Variants in PLCE1 observed in about 807,000 individuals in gnomAD.
The protein encoded by PLCE1 is phospholipase C epsilon 1.
A neutral mutation model predicts 242.8 loss-of-function variants in PLCE1; 119 were observed. That is an observed-to-expected ratio of 0.49 (90% CI 0.42 to 0.57). The LOEUF is 0.57. Ranked by LOEUF, PLCE1 falls within the 20% of genes least tolerant of loss-of-function variation. The probability of loss-of-function intolerance (pLI) is 0.00; values close to 1 mark genes in which losing one functional copy is unlikely to be tolerated. For missense variants in PLCE1, 2,441 were observed against 2,788.8 expected, an observed-to-expected ratio of 0.88 and a Z score of 2.81; for synonymous variants, 945 against 1,017.4, an observed-to-expected ratio of 0.93 and a Z score of 1.35.
At chr10:94,007,819 G>A (rs1055762439) in intron 1 of PLCE1, among the ~76,000 whole-genome samples, 19 of 146,006 alleles carry the variant, frequency 1.3e-4, no homozygotes, top group Non-Finnish European at 2.2e-4. Context: ...TTTTGTTTTC[G>A]TGTGTGGTTT....
intron 1 of PLCE1, among the ~76,000 whole-genome samples, chr10:94,024,832 G>A (rs2061429568): frequency 1.3e-5 from 2 of 152,012 alleles, no homozygotes; most frequent in Admixed American, 1.3e-4. Context: ...TTTCTATAGA[G>A]GTTTCTTGTT....
intron 2 of PLCE1, among the ~76,000 whole-genome samples, chr10:94,036,261 G>C (rs2061661571): frequency 6.6e-6 from 1 of 152,168 alleles, no homozygotes; most frequent in African/African-American, 2.4e-5. Context: ...GCTTTGTCGA[G>C]AACACATTTC....
rs780965078 is a variant in PLCE1, at chr10:94,235,971, C to T, written c.2271C>T (p.Gly757=). The part of the protein sequence containing the change: ...DNFLQRVGQN[G]LKNSEKESTV... ...TCTTACAACGAGTGGGACAAAATGG[C>T]TTAAAGAATTCGGAGAAGGAGTCCA... Residue 757 remains glycine (G), a synonymous_variant, in exon 7 of 33, where the codon GGC becomes GGT. Transcript: ENST00000371380. 2 of 1,613,898 alleles carry T rather than the reference C, an allele frequency of 1.2e-6. No homozygotes were observed. The highest frequency in any genetic ancestry group is 2.7e-5 in the African/African-American group (2 of 74,910).
intron 4 of PLCE1, among the ~76,000 whole-genome samples, chr10:94,201,667 G>A (rs1293956822): frequency 6.6e-6 from 1 of 152,118 alleles, no homozygotes; most frequent in African/African-American, 2.4e-5. Flanking sequence ...TTTTAGTAGA[G>A]ACGGGGTTTC....
At chr10:94,307,502 C>T (rs895125991) in intron 26 of PLCE1, among the ~76,000 whole-genome samples, 3 of 152,208 alleles carry the variant, frequency 2.0e-5, no homozygotes, top group Non-Finnish European at 4.4e-5. Context: ...TTTAATTAGT[C>T]TGCTCAGGCT....
In PLCE1 at chr10:94,171,490, T is replaced by G. The variant is rs2047976871; in HGVS notation, c.1803T>G (p.Phe601Leu). Reference sequence around the variant, plus strand: ...CCCTTGAAGATCTGGTGATGAGGTTTAATGAGGTAAGAAGCCACTTTTTGA... The same window carrying G: ...CCCTTGAAGATCTGGTGATGAGGTTGAATGAGGTAAGAAGCCACTTTTTGA... ...HNALEDLVMR[F>L]NEVSSWVTWL... is the part of the protein sequence containing the mutation. The change falls in exon 4 of 33, where the codon TTT (phenylalanine) becomes TTG (leucine). Residue 601 changes from phenylalanine (F) to leucine (L), a missense_variant. Phe to Leu is a conservative substitution (Grantham distance 22). Coordinates refer to ENST00000371380, the MANE Select transcript of PLCE1 (RefSeq NM_016341.4). The G allele has an allele frequency of 1.2e-6, 2 of 1,613,738 alleles. No individual in the cohort carries two copies. Among genetic ancestry groups the G allele is most frequent in the Non-Finnish European group, 1.7e-6 (2 of 1,179,608 alleles).
At chr10:94,026,723 A>C (rs2061459055) in intron 1 of PLCE1, among the ~76,000 whole-genome samples, 1 of 152,202 alleles carries the variant, frequency 6.6e-6, no homozygotes, top group Non-Finnish European at 1.5e-5. Context: ...CAAAATTGAT[A>C]ATTTAATCAG....
At chr10:94,093,727 T>C (rs1449984874) in intron 2 of PLCE1, among the ~76,000 whole-genome samples, 2 of 152,152 alleles carry the variant, frequency 1.3e-5, no homozygotes, top group African/African-American at 4.8e-5. Context: ...CTCTGTTCTC[T>C]GCTTTACTGC....
chr10:94,212,913 A>C (rs2049390595), intron 4 of PLCE1, among the ~76,000 whole-genome samples: 1 of 152,236 alleles, frequency 6.6e-6, no homozygotes, highest in South Asian at 2.1e-4. Context: ...CTGCTCATCA[A>C]GATTTCAAAA....
intron 21 of PLCE1, 47 bp downstream of exon 21, chr10:94,283,958 C>T (rs745711787): frequency 3.8e-6 from 6 of 1,597,454 alleles, no homozygotes; most frequent in Non-Finnish European, 5.1e-6. Context: ...ATGTGGTACT[C>T]TTGTCAGTTT....
intron 29 of PLCE1, among the ~76,000 whole-genome samples, chr10:94,321,621 C>T (rs1277522340): frequency 4.2e-5 from 6 of 143,434 alleles, no homozygotes; most frequent in Admixed American, 1.4e-4. Context: ...GAGCAAGACT[C>T]CATCTCAGAA....
intron 32 of PLCE1, 58 bp downstream of exon 32, chr10:94,325,162 G>C: frequency 8.2e-7 from 1 of 1,222,336 alleles, no homozygotes; most frequent in East Asian, 2.3e-5. Context: ...ACTTTGTAAG[G>C]AAGGCATAAT....
rs761840349 is a variant in PLCE1, at chr10:94,313,379, G to T, written c.6129G>T (p.Gln2043His). The T allele has an allele frequency of 2.4e-5, 39 of 1,614,040 alleles. No individual in the cohort carries two copies. The highest frequency in any genetic ancestry group is 1.7e-4 in the Admixed American group (10 of 60,004). The change falls in exon 28 of 33, where the codon CAG (glutamine) becomes CAT (histidine). Residue 2043 changes from glutamine (Q) to histidine (H), a missense_variant. Physicochemically the swap from Gln to His is conservative, Grantham distance 24. Transcript: ENST00000371380. ...GCACCAAGGCAAAGCAGCTTCTGCA[G>T]CAAGTAAGTCCACTGAGCCGTGGTT... is the stretch of plus-strand genomic sequence containing the variant. The part of the protein sequence containing the change: ...NGGTKAKQLL[Q>H]QILTNEQDIK...
chr10:94,294,409 T>G (rs1227650929), intron 23 of PLCE1, among the ~76,000 whole-genome samples: 1 of 152,214 alleles, frequency 6.6e-6, no homozygotes, highest in African/African-American at 2.4e-5. Flanking sequence ...CACTATTAAA[T>G]TTATTGTGTT....
intron 1 of PLCE1, among the ~76,000 whole-genome samples, chr10:94,015,558 G>T (rs1372749225): frequency 3.3e-5 from 5 of 152,146 alleles, no homozygotes; most frequent in Admixed American, 3.3e-4. Context: ...GGGCAGTCAG[G>T]GTTGTTTAAA....
rs769561365 is a variant in PLCE1, at chr10:94,329,819, C to T, written c.*1876C>T. 9 of 122,486 alleles carry T rather than the reference C, an allele frequency of 7.3e-5. No homozygotes were observed. The highest frequency in any genetic ancestry group is 1.3e-4 in the Non-Finnish European group (8 of 59,820). 7.6% of individuals were successfully genotyped at this position (122,486 alleles called of 1,614,324 possible). ...AAAAAAAAAAAAAAAAAACACCATACAGCTTTCATGTCATTGAAAGTTCTT... is the reference window on the plus strand; with the variant it reads ...AAAAAAAAAAAAAAAAAACACCATATAGCTTTCATGTCATTGAAAGTTCTT... On this transcript the variant is annotated 3_prime_UTR_variant, in exon 33 of 33. Coordinates refer to ENST00000371380, the MANE Select transcript of PLCE1 (RefSeq NM_016341.4).
intron 30 of PLCE1, 119 bp downstream of exon 30, chr10:94,322,178 G>A (rs2053834840): frequency 2.1e-6 from 2 of 946,592 alleles, no homozygotes; most frequent in Admixed American, 1.9e-5. Flanking sequence ...GGACCTCAAA[G>A]GGGAGTGTGT....
At chr10:94,001,226 G>C (rs958370909) in intron 1 of PLCE1, among the ~76,000 whole-genome samples, 12 of 152,184 alleles carry the variant, frequency 7.9e-5, no homozygotes, top group African/African-American at 2.7e-4. Flanking sequence ...GTACTGGCCA[G>C]TGTCATCGGT....
intron 2 of PLCE1, among the ~76,000 whole-genome samples, chr10:94,113,743 G>T (rs2046029441): frequency 6.6e-6 from 1 of 152,192 alleles, no homozygotes; most frequent in Non-Finnish European, 1.5e-5. Context: ...GACGATGCGG[G>T]AATGGGAGTG....
Sources: allele counts gnomAD v4.1 joint callset (sites outside exome capture counted in the v4.1 genomes callset), GRCh38; gene constraint gnomAD v4.1.1; transcripts MANE v1.5; gene names NCBI Gene and HGNC (gene_info 2026-07-23, HGNC 2026-07-21).